LAMA3: variants seen among roughly 807,000 people sequenced by gnomAD.
LAMA3 encodes the protein laminin subunit alpha 3.
LAMA3 carries 281 observed loss-of-function variants against 402.0 expected under a neutral mutation model. That is an observed-to-expected ratio of 0.70 (90% CI 0.63 to 0.77). LAMA3 has a LOEUF of 0.77. LAMA3 is among the 30% of genes least tolerant of loss of function. The pLI is 0.00. For missense variants in LAMA3, 3,840 were observed against 4,215.5 expected (o/e 0.91, Z 2.47); for synonymous variants, 1,431 against 1,558.4 (o/e 0.92, Z 1.93).
At chr18:23,852,000 T>G (rs1204434645) in intron 32 of LAMA3, among the ~76,000 whole-genome samples, 1 of 152,176 alleles carries the variant, frequency 6.6e-6, no homozygotes, top group Non-Finnish European at 1.5e-5. Context: ...CTCTTTCCAG[T>G]CCTTTAAGCC....
intron 12 of LAMA3, chr18:23,796,095 G>T (rs566467902): frequency 2.3e-6 from 1 of 441,254 alleles, no homozygotes; most frequent in South Asian, 1.6e-5. Flanking sequence ...GCCAGCACCT[G>T]GATCTTGGAC....
At chr18:23,842,892 T>G in intron 29 of LAMA3, 142 bp downstream of exon 29, 1 of 1,019,954 alleles carries the variant, frequency 9.8e-7, no homozygotes, top group East Asian at 2.5e-5. Context: ...TACAGCTGTC[T>G]TTTACCCCCC....
At chr18:23,729,616 TTA>T (rs770499468) in intron 2 of LAMA3, among the ~76,000 whole-genome samples, 4 of 151,910 alleles carry the variant, frequency 2.6e-5, no homozygotes, top group African/African-American at 9.7e-5. Flanking sequence ...TTAAAAATGA[TTA>T]TATATATATA....
intron 12 of LAMA3, among the ~76,000 whole-genome samples, chr18:23,809,508 T>A (rs1399435194): frequency 6.6e-6 from 1 of 152,204 alleles, no homozygotes; most frequent in Non-Finnish European, 1.5e-5. Flanking sequence ...CCACTGCTCA[T>A]CCCTCTCCAG....
At chr18:23,811,899 A>T (rs956442285) in intron 13 of LAMA3, among the ~76,000 whole-genome samples, 1 of 151,732 alleles carries the variant, frequency 6.6e-6, no homozygotes, top group African/African-American at 2.4e-5. Context: ...TTTGAGACAG[A>T]GTCTCGCTCT....
chr18:23,918,840 G>C lies in LAMA3; in HGVS notation c.7924-2095G>C, dbSNP rs578048384. ...CCAGAGTCTTCTACCGCAGGGTGGT[G>C]ACACTGACCCGGTCCAACTCTCCTC... On this transcript the variant is annotated intron_variant, in intron 60 of 74. Transcript: ENST00000313654. The surrounding 1 kb of genome is among the most constrained non-coding windows in gnomAD (Gnocchi z 4.1). 8.1e-4 allele frequency among the ~76,000 whole-genome samples: 123 copies of C among 152,286 alleles called. No homozygotes were observed. The highest frequency in any genetic ancestry group is 6.8e-3 in the Middle Eastern group (2 of 294).
intron 44 of LAMA3, among the ~76,000 whole-genome samples, chr18:23,896,101 C>T (rs554415676): frequency 2.0e-5 from 3 of 152,012 alleles, no homozygotes; most frequent in Non-Finnish European, 2.9e-5. Context: ...TTTGGGAGGC[C>T]GAGGCGGGTA....
In LAMA3 at chr18:23,876,312, T is replaced by C. The variant is rs1426556887; in HGVS notation, c.5017T>C (p.Tyr1673His). The part of the protein sequence containing the change: ...DSCQGCSPGY[Y>H]RDHKGLYTGR... ...AAAATAGGGTTGTAGCCCTGGATAC[T>C]ATCGGGATCATAAAGGCTTGTATAC... is the stretch of plus-strand genomic sequence containing the variant. Residue 1673 changes from tyrosine (Y) to histidine (H), a missense_variant, in exon 39 of 75, where the codon TAT (tyrosine) becomes CAT (histidine). Coordinates refer to ENST00000313654, the MANE Select transcript of LAMA3 (RefSeq NM_198129.4). 2.5e-6 allele frequency: 4 copies of C among 1,613,258 alleles called. No homozygotes were observed. The highest frequency in any genetic ancestry group is 1.7e-5 in the Admixed American group (1 of 60,030).
intron 7 of LAMA3, 40 bp from the exon 8 acceptor site, chr18:23,763,365 G>C (rs1478186758): frequency 1.7e-6 from 2 of 1,199,364 alleles, no homozygotes; most frequent in East Asian, 4.7e-5. Flanking sequence ...GCGTCTGATA[G>C]TAATAATGAG....
rs371860543 is a variant in LAMA3 at position 23,837,021 on chromosome 18, A to G, written c.3025A>G (p.Ile1009Val). ...RSAVIDHMSR[I>V]AMYELLADAD... ...TGCTGTGATTGATCACATGAGCCGC[A>G]TCGCCATGTATGAGCTATTGGCAGA... The change falls in exon 25 of 75, where the codon ATC becomes GTC. Residue 1009 changes from isoleucine to valine, a missense_variant. Transcript: ENST00000313654. 1.4e-5 allele frequency: 22 copies of G among 1,614,094 alleles called. No individual in the cohort carries two copies. The highest frequency in any genetic ancestry group is 1.8e-5 in the Non-Finnish European group (21 of 1,179,990).
In LAMA3 at chr18:23,905,588, A is replaced by C; in HGVS notation, c.6682A>C (p.Asn2228His). 1 of 1,611,026 alleles carries C rather than the reference A, an allele frequency of 6.2e-7. No individual in the cohort carries two copies. Among genetic ancestry groups the C allele is most frequent in the Non-Finnish European group, 8.5e-7 (1 of 1,177,530 alleles). Reference protein sequence around the residue: ...TLSSNSDKLLNEAKMTQKKLK... With the variant: ...TLSSNSDKLLHEAKMTQKKLK... ...GAGTTCCAACAGTGATAAACTGTTA[A>C]ATGAAGCCAAGATGACACAAAAGAA... The change falls in exon 52 of 75, where the codon AAT becomes CAT. Residue 2228 changes from asparagine (N) to histidine (H), a missense_variant. Transcript: ENST00000313654.
intron 25 of LAMA3, among the ~76,000 whole-genome samples, chr18:23,838,295 T>C (rs2063626996): frequency 6.6e-6 from 1 of 152,240 alleles, no homozygotes; most frequent in Non-Finnish European, 1.5e-5. Context: ...CTGGAGACAG[T>C]TCCTTCAACA....
chr18:23,845,989 C>A (rs1451082929), intron 30 of LAMA3, among the ~76,000 whole-genome samples: 3 of 152,156 alleles, frequency 2.0e-5, no homozygotes, highest in Non-Finnish European at 4.4e-5. Context: ...TTGGTAACCA[C>A]TTTATTGAGC....
At chr18:23,717,719 AATTTTTT>A (rs1375642055) in intron 2 of LAMA3, among the ~76,000 whole-genome samples, 16 of 116,806 alleles carry the variant, frequency 1.4e-4, no homozygotes, top group African/African-American at 5.5e-4. Flanking sequence ...TGCCTGGCTA[AATTTTTT>A]TTTTTTTTTT....
chr18:23,819,379 A>T (rs188961953), intron 18 of LAMA3, among the ~76,000 whole-genome samples: 2 of 152,298 alleles, frequency 1.3e-5, no homozygotes, highest in African/African-American at 2.4e-5. Context: ...CTAACTTGTA[A>T]ATTTAGCATA....
chr18:23,842,764 G>A lies in LAMA3; in HGVS notation c.3603+14G>A, dbSNP rs752164316. On this transcript the variant is annotated intron_variant, in intron 29 of 74. Transcript: ENST00000313654. Reference sequence around the variant, plus strand: ...TCCTTGGTTTTGGTGCGTTCCACTCGTTCCTCAACTTGCTCCTCACATGCC... The same window carrying A: ...TCCTTGGTTTTGGTGCGTTCCACTCATTCCTCAACTTGCTCCTCACATGCC... The A allele has an allele frequency of 6.6e-5, 106 of 1,613,892 alleles. No individual in the cohort carries two copies. Among genetic ancestry groups the A allele is most frequent in the South Asian group, 3.3e-4 (30 of 91,074 alleles).
intron 29 of LAMA3, among the ~76,000 whole-genome samples, chr18:23,843,851 C>T (rs2063757596): frequency 6.6e-6 from 1 of 152,196 alleles, no homozygotes; most frequent in African/African-American, 2.4e-5. Context: ...CCAGATATGC[C>T]ATGTCCTCTC....
intron 12 of LAMA3, among the ~76,000 whole-genome samples, chr18:23,802,892 G>A (rs1441611956): frequency 6.6e-6 from 1 of 152,144 alleles, no homozygotes; most frequent in Admixed American, 6.5e-5. Context: ...CTGCCACCTA[G>A]TAGTTTTCAC....
chr18:23,706,291 A>T (rs1042439426), intron 1 of LAMA3, among the ~76,000 whole-genome samples: 1 of 152,200 alleles, frequency 6.6e-6, no homozygotes, highest in Non-Finnish European at 1.5e-5. Context: ...AATAGTGTTG[A>T]ATATAATACC....
Sources: allele counts gnomAD v4.1 joint callset (sites outside exome capture counted in the v4.1 genomes callset), GRCh38; gene constraint gnomAD v4.1.1; non-coding constraint Gnocchi (gnomAD v3.1); transcripts MANE v1.5; gene names NCBI Gene and HGNC (gene_info 2026-07-23, HGNC 2026-07-21).